Variants in ARID2 observed in about 807,000 individuals in gnomAD.
ARID2 encodes AT-rich interaction domain 2.
ARID2 carries 32 observed loss-of-function variants against 184.6 expected under a neutral mutation model. That is an observed-to-expected ratio of 0.17 (90% confidence interval 0.13 to 0.23). The LOEUF (loss-of-function observed/expected upper bound fraction) is 0.23, where lower values mean the gene tolerates loss of function less well. Among genes scored for constraint, ARID2 ranks in the 10% least tolerant of loss-of-function variants. The pLI is 1.00. For missense variants in ARID2, 1,696 were observed against 2,197.6 expected (o/e 0.77, Z 4.56); for synonymous variants, 836 against 772.6 (o/e 1.08, Z -1.36).
intron 3 of ARID2, among the ~76,000 whole-genome samples, chr12:45,732,071 GTT>G (rs750462284): frequency 7.3e-6 from 1 of 137,006 alleles, no homozygotes. Context: ...GTGATTTAGC[GTT>G]TTTTTTTTTG....
intron 16 of ARID2, among the ~76,000 whole-genome samples, chr12:45,889,402 T>C (rs1944254847): frequency 6.6e-6 from 1 of 152,182 alleles, no homozygotes; most frequent in Admixed American, 6.5e-5. Flanking sequence ...ATTTTCCCAG[T>C]TCCCTTAAAT....
chr12:45,798,282 T>C (rs987415044), intron 3 of ARID2, among the ~76,000 whole-genome samples: 5 of 152,172 alleles, frequency 3.3e-5, no homozygotes, highest in Non-Finnish European at 5.9e-5. Context: ...TTTGCTAACA[T>C]GCAATGTAGG....
chr12:45,750,443 C>T lies in ARID2; in HGVS notation c.284+19129C>T, dbSNP rs79156931. On this transcript the variant is annotated intron_variant, in intron 3 of 20. Coordinates refer to ENST00000334344, the MANE Select transcript of ARID2 (RefSeq NM_152641.4). ...TTGGGAGAATTACCAAAATGTGACA[C>T]AGAACTGTGAAGTGAGCACATGGTT... Among the ~76,000 whole-genome samples, 3 of 152,238 alleles carry T rather than the reference C, an allele frequency of 2.0e-5. No homozygotes were observed. In the East Asian group the frequency reaches 5.8e-4, roughly 29 times the overall value.
intron 3 of ARID2, among the ~76,000 whole-genome samples, chr12:45,764,812 A>T (rs1941742418): frequency 6.6e-6 from 1 of 152,214 alleles, no homozygotes; most frequent in Non-Finnish European, 1.5e-5. Flanking sequence ...AACACTATAA[A>T]CATTCGCATA....
intron 11 of ARID2, among the ~76,000 whole-genome samples, chr12:45,845,675 C>A (rs1943427481): frequency 1.3e-5 from 2 of 152,124 alleles, no homozygotes; most frequent in Admixed American, 1.3e-4. Flanking sequence ...ATGGGGCATT[C>A]ATCAAAGGTT....
At chr12:45,903,799 G>A (rs1054882145) in intron 20 of ARID2, among the ~76,000 whole-genome samples, 6 of 151,450 alleles carry the variant, frequency 4.0e-5, no homozygotes, top group East Asian at 1.9e-4. Context: ...TCTTTTATTC[G>A]GAGTTATTTT....
chr12:45,836,466 T>C, intron 6 of ARID2, 123 bp from the exon 7 acceptor site: 1 of 852,016 alleles, frequency 1.2e-6, no homozygotes, highest in Non-Finnish European at 1.7e-6. Context: ...TCCTCCCATC[T>C]TGGCCTCTTA....
intron 3 of ARID2, among the ~76,000 whole-genome samples, chr12:45,777,550 T>G (rs180788457): frequency 1.6e-3 from 238 of 152,138 alleles, no homozygotes; most frequent in East Asian, 6.4e-3. Flanking sequence ...ATACTTCAAC[T>G]GGTGACCTTA....
chr12:45,817,936 TTTTTTAAGG>T, intron 5 of ARID2, 48 bp downstream of exon 5: 1 of 1,432,740 alleles, frequency 7.0e-7, no homozygotes, highest in Non-Finnish European at 9.3e-7. Context: ...TAAAAGTTTT[TTTTTTAAGG>T]TTTTTAAGGA....
chr12:45,899,585 G>A (rs1025375101), intron 20 of ARID2, among the ~76,000 whole-genome samples: 9 of 148,702 alleles, frequency 6.1e-5, no homozygotes, highest in Non-Finnish European at 8.9e-5. Flanking sequence ...CAGCCTGGGC[G>A]ACAGAGCGAG....
intron 4 of ARID2, 89 bp downstream of exon 4, chr12:45,811,640 G>A (rs2138083517): frequency 1.4e-6 from 2 of 1,411,020 alleles, no homozygotes; most frequent in Non-Finnish European, 1.9e-6. Context: ...CCCTTCCTTT[G>A]CACATGAGAA....
At chr12:45,777,239 C>A (rs1942001841) in intron 3 of ARID2, among the ~76,000 whole-genome samples, 1 of 151,932 alleles carries the variant, frequency 6.6e-6, no homozygotes, top group African/African-American at 2.4e-5. Flanking sequence ...TCTAAAAGTT[C>A]ATAGTATAGT....
rs774791280 is a variant in ARID2, at chr12:45,851,188, C to T, written c.3065C>T (p.Pro1022Leu). Reference sequence around the variant, plus strand: ...CAGCAGCAACATTCACCAGCACCCCCACCACAGCAGGTACAAGTACAAGTT... The same window carrying T: ...CAGCAGCAACATTCACCAGCACCCCTACCACAGCAGGTACAAGTACAAGTT... ...QQQQQHSPAP[P>L]PQQVQVQVQQ... Residue 1022 changes from proline (P) to leucine (L), a missense_variant, in exon 15 of 21, where the codon CCA becomes CTA. Coordinates refer to ENST00000334344, the MANE Select transcript of ARID2 (RefSeq NM_152641.4). The T allele has an allele frequency of 1.9e-6, 3 of 1,614,158 alleles. No homozygotes were observed. Among genetic ancestry groups the T allele is most frequent in the Non-Finnish European group, 2.5e-6 (3 of 1,180,020 alleles).
At chr12:45,873,019 A>G (rs941492481) in intron 16 of ARID2, among the ~76,000 whole-genome samples, 3 of 152,226 alleles carry the variant, frequency 2.0e-5, no homozygotes, top group Admixed American at 6.5e-5. Context: ...TTGCAGTTCT[A>G]TCAGTGTTTG....
At chr12:45,844,836 A>G (rs546639944) in intron 11 of ARID2, among the ~76,000 whole-genome samples, 1 of 152,206 alleles carries the variant, frequency 6.6e-6, no homozygotes, top group Non-Finnish European at 1.5e-5. Flanking sequence ...GGATTTATGC[A>G]TTTAACCATA....
chr12:45,732,054 A>G (rs1941014378), intron 3 of ARID2, among the ~76,000 whole-genome samples: 1 of 150,456 alleles, frequency 6.6e-6, no homozygotes, highest in Admixed American at 6.6e-5. Flanking sequence ...TCTAGATGAT[A>G]TATTTTGTGA....
At chr12:45,875,370 G>GA (rs934935898) in intron 16 of ARID2, among the ~76,000 whole-genome samples, 2 of 152,220 alleles carry the variant, frequency 1.3e-5, no homozygotes, top group African/African-American at 2.4e-5. Context: ...TCTAGGCTTT[G>GA]ATGTTGCCCA....
intron 3 of ARID2, among the ~76,000 whole-genome samples, chr12:45,770,864 A>T (rs533124136): frequency 6.6e-6 from 1 of 152,308 alleles, no homozygotes; most frequent in Admixed American, 6.5e-5. Flanking sequence ...CAGGTTCTCA[A>T]TCCAGTCCAT....
Position 45,849,586 on chromosome 12 carries a change from C to A in ARID2, c.1722C>A (p.Val574=). ...TTATGTATGTACTTTACAGAACGGTCTTTCCAAATCATACAGTGAAGAGAG... is the reference window on the plus strand; with the variant it reads ...TTATGTATGTACTTTACAGAACGGTATTTCCAAATCATACAGTGAAGAGAG... ...STGFYKCLRT[V]FPNHTVKRVE... The change falls in exon 14 of 21, where the codon GTC becomes GTA. Residue 574 remains valine (V), a synonymous_variant. Transcript: ENST00000334344. The A allele has an allele frequency of 6.2e-7, 1 of 1,610,184 alleles. No individual in the cohort carries two copies. Among genetic ancestry groups the A allele is most frequent in the Non-Finnish European group, 8.5e-7 (1 of 1,177,758 alleles).
Sources: gnomAD v4.1 joint callset for allele counts (sites outside exome capture counted in the v4.1 genomes callset) on GRCh38, gnomAD v4.1.1 for gene constraint, MANE v1.5 for transcripts, NCBI Gene and HGNC (gene_info 2026-07-23, HGNC 2026-07-21) for gene names.